The following QTMAN variants were observed in gnomAD, a reference collection of about 807,000 sequenced individuals.
QTMAN encodes the protein tRNA-queuosine alpha-mannosyltransferase.
chr2:144,050,990 A>T, the QTMAN span, among the ~76,000 whole-genome samples: 1 of 152,188 alleles, frequency 6.6e-6, no homozygotes, highest in Non-Finnish European at 1.5e-5. Context: ...GTCAACTGTA[A>T]ATGTGATTAT....
the QTMAN span, among the ~76,000 whole-genome samples, chr2:144,247,385 AC>A: frequency 6.6e-6 from 1 of 152,242 alleles, no homozygotes; most frequent in Non-Finnish European, 1.5e-5. Flanking sequence ...TCAGAAGCAA[AC>A]TTTTCATCAG....
the QTMAN span, among the ~76,000 whole-genome samples, chr2:144,111,794 C>G: frequency 6.6e-6 from 1 of 152,108 alleles, no homozygotes; most frequent in African/African-American, 2.4e-5. Flanking sequence ...ACAGAGGAAC[C>G]GCTCTTATAT....
At chr2:144,023,593 AAG>A in the QTMAN span, among the ~76,000 whole-genome samples, 1 of 152,206 alleles carries the variant, frequency 6.6e-6, no homozygotes, top group Non-Finnish European at 1.5e-5. Flanking sequence ...TTATTTGCAG[AAG>A]AGTTTTTTAC....
At chr2:144,220,194 TCA>T in the QTMAN span, among the ~76,000 whole-genome samples, 1 of 152,118 alleles carries the variant, frequency 6.6e-6, no homozygotes, top group African/African-American at 2.4e-5. Context: ...TTTTTAAATA[TCA>T]CAAGAGGCAT....
At chr2:144,127,156 G>T in the QTMAN span, among the ~76,000 whole-genome samples, 1 of 151,962 alleles carries the variant, frequency 6.6e-6, no homozygotes, top group South Asian at 2.1e-4. Flanking sequence ...AGAGAAACAG[G>T]TTTTCAATCA....
the QTMAN span, among the ~76,000 whole-genome samples, chr2:144,319,498 C>G: frequency 6.6e-6 from 1 of 151,958 alleles, no homozygotes; most frequent in African/African-American, 2.4e-5. Flanking sequence ...TACACATTCC[C>G]CAAGTAAAGC....
chr2:144,163,247 T>C, the QTMAN span, among the ~76,000 whole-genome samples: 1 of 152,026 alleles, frequency 6.6e-6, no homozygotes, highest in Admixed American at 6.6e-5. Flanking sequence ...TTTCATATTT[T>C]ATCTCCAAAG....
the QTMAN span, among the ~76,000 whole-genome samples, chr2:143,971,270 T>C: frequency 6.6e-6 from 1 of 152,084 alleles, no homozygotes; most frequent in Non-Finnish European, 1.5e-5. Flanking sequence ...GAACGCACAA[T>C]TTAGGGAGAT....
At chr2:144,034,462 T>G in the QTMAN span, among the ~76,000 whole-genome samples, 1,813 of 152,292 alleles carry the variant, frequency 0.012, 22 homozygotes, top group Non-Finnish European at 0.02. Context: ...AAAACACTTA[T>G]TTGTTTGCTT....
chr2:144,123,525 T>C, the QTMAN span, among the ~76,000 whole-genome samples: 3 of 152,182 alleles, frequency 2.0e-5, no homozygotes, highest in African/African-American at 7.2e-5. Flanking sequence ...AGTTTGTTTT[T>C]TCCACATGGC....
the QTMAN span, among the ~76,000 whole-genome samples, chr2:144,186,633 T>C: frequency 6.6e-6 from 1 of 152,234 alleles, no homozygotes; most frequent in South Asian, 2.1e-4. Context: ...ATCTGCTTGA[T>C]GATTGAGCCT....
chr2:143,950,287 T>C, the QTMAN span, among the ~76,000 whole-genome samples: 1 of 151,744 alleles, frequency 6.6e-6, no homozygotes, highest in Admixed American at 6.6e-5. Context: ...AACAATTTGG[T>C]ATATTAACAA....
the QTMAN span, among the ~76,000 whole-genome samples, chr2:144,100,151 T>C: frequency 6.6e-6 from 1 of 152,190 alleles, no homozygotes; most frequent in Middle Eastern, 3.2e-3. Flanking sequence ...TAACTGGCAA[T>C]CACCTTGAAA....
the QTMAN span, among the ~76,000 whole-genome samples, chr2:143,984,750 C>G: frequency 6.6e-6 from 1 of 152,160 alleles, no homozygotes; most frequent in South Asian, 2.1e-4. Flanking sequence ...GAAGCAGCAG[C>G]TGGACGTTGG....
the QTMAN span, among the ~76,000 whole-genome samples, chr2:144,294,079 C>T: frequency 6.6e-6 from 1 of 152,176 alleles, no homozygotes; most frequent in East Asian, 1.9e-4. Flanking sequence ...ATTTCTAGAT[C>T]CTAAGTTTGT....
the QTMAN span, among the ~76,000 whole-genome samples, chr2:144,313,778 T>G: frequency 1.4e-5 from 2 of 142,350 alleles, no homozygotes; most frequent in Non-Finnish European, 3.1e-5. Context: ...ATCATTAGAG[T>G]TTTTTTTTTT....
At chr2:144,171,277 C>T in the QTMAN span, among the ~76,000 whole-genome samples, 2 of 152,172 alleles carry the variant, frequency 1.3e-5, no homozygotes, top group African/African-American at 4.8e-5. Context: ...TCAGATACCA[C>T]AGCTTCAATG....
chr2:144,199,769 G>T, the QTMAN span, among the ~76,000 whole-genome samples: 3 of 152,128 alleles, frequency 2.0e-5, no homozygotes, highest in Non-Finnish European at 4.4e-5. Flanking sequence ...CTTAAATCTT[G>T]ATCTTGATGT....
At chr2:144,115,232 A>AAACAACAAC in the QTMAN span, among the ~76,000 whole-genome samples, 2 of 151,008 alleles carry the variant, frequency 1.3e-5, no homozygotes, top group Non-Finnish European at 2.9e-5. Flanking sequence ...CCCTGTCTAA[A>AAACAACAAC]AACAACAACA....
Sources: gnomAD v4.1 joint callset for allele counts (sites outside exome capture counted in the v4.1 genomes callset) on GRCh38, gnomAD v4.1.1 for gene constraint, MANE v1.5 for transcripts, NCBI Gene and HGNC (gene_info 2026-07-23, HGNC 2026-07-21) for gene names.